PGM5: variants seen among roughly 807,000 people sequenced by gnomAD.
The protein encoded by PGM5 is phosphoglucomutase-like protein 5.
In PGM5, 23 loss-of-function variants were observed where a neutral mutation model predicts 59.2. The observed-to-expected ratio is 0.39, with a 90% CI of 0.28 to 0.55. The LOEUF is 0.55. Ranked by LOEUF, PGM5 falls within the 20% of genes least tolerant of loss-of-function variation. PGM5 has a pLI of 0.66. For missense variants in PGM5, 574 were observed against 748.3 expected, an observed-to-expected ratio of 0.77 and a Z score of 2.72; for synonymous variants, 214 against 286.0, an observed-to-expected ratio of 0.75 and a Z score of 2.54.
At chr9:68,403,288 G>A (rs62551332) in intron 6 of PGM5, among the ~76,000 whole-genome samples, 16,964 of 152,148 alleles carry the variant, frequency 0.11, 1,239 homozygotes, top group Admixed American at 0.16. Flanking sequence ...ATCTCCAGAT[G>A]GGAACCATCT....
rs540371403 is a variant in PGM5 at position 68,504,003 on chromosome 9, C to A, written c.1614+4642C>A. On this transcript the variant is annotated intron_variant, in intron 10 of 10. Coordinates refer to ENST00000396396, the MANE Select transcript of PGM5 (RefSeq NM_021965.4). ...TTTGCATTTCTAACAAGCTCCCAGG[C>A]AATACTGTGCTGCTGGTCCAGGAGC... Among the ~76,000 whole-genome samples the A allele has an allele frequency of 2.6e-5, 4 of 152,326 alleles. No homozygotes were observed. The East Asian group carries it at 7.7e-4, about 29-fold the overall frequency.
At position 68,424,260 on chromosome 9, in the gene PGM5, A is replaced by G. The variant is rs151148019; in HGVS notation, c.1043+31787A>G. Reference sequence around the variant, plus strand: ...TCTGTTCCAGCTGCTGTCACAAAATAACACAGACAGTGTGGCTTATGAACA... The same window carrying G: ...TCTGTTCCAGCTGCTGTCACAAAATGACACAGACAGTGTGGCTTATGAACA... On this transcript the variant is annotated intron_variant, in intron 6 of 10. Transcript: ENST00000396396. 5.2e-4 allele frequency among the ~76,000 whole-genome samples: 79 copies of G among 152,340 alleles called. No individual in the cohort carries two copies. In the East Asian group the frequency reaches 0.013, roughly 25 times the overall value.
At position 68,438,286 on chromosome 9, in the gene PGM5, C is replaced by CAAAAAA. The variant is rs34047393; in HGVS notation, c.1044-26785_1044-26780dup. The stretch of plus-strand genomic sequence containing the variant: ...CCTGGGCGACAGAGGGAGACTCTGT[C>CAAAAAA]AAAAAAAAAAAAAAAAAAAAAAAAA... On this transcript the variant is annotated intron_variant, in intron 6 of 10. Transcript: ENST00000396396. Among the ~76,000 whole-genome samples, 30 of 34,828 alleles carry CAAAAAA rather than the reference C, an allele frequency of 8.6e-4. 2 individuals are homozygous for CAAAAAA. Among genetic ancestry groups the CAAAAAA allele is most frequent in the African/African-American group, 2.4e-3 (27 of 11,232 alleles). The allele number at this position is 34,828 out of a possible 152,430, so 22.8% of individuals were successfully genotyped here.
At chr9:68,408,312 A>G (rs1563997341) in intron 6 of PGM5, among the ~76,000 whole-genome samples, 1 of 152,274 alleles carries the variant, frequency 6.6e-6, no homozygotes, top group Non-Finnish European at 1.5e-5. Context: ...CATTGAGCCA[A>G]GGTGGGCTGA....
chr9:68,524,893 G>T (rs1383089593), intron 10 of PGM5, among the ~76,000 whole-genome samples: 1 of 152,182 alleles, frequency 6.6e-6, no homozygotes, highest in Non-Finnish European at 1.5e-5. Flanking sequence ...GGTCAATCCT[G>T]TGTCGCACTG....
chr9:68,521,467 T>G (rs1458933276), intron 10 of PGM5, among the ~76,000 whole-genome samples: 1 of 151,954 alleles, frequency 6.6e-6, no homozygotes, highest in Non-Finnish European at 1.5e-5. Context: ...GAGGCAAAGG[T>G]CCTTTTGTTT....
intron 5 of PGM5, among the ~76,000 whole-genome samples, chr9:68,392,075 G>C (rs1822378990): frequency 6.6e-6 from 1 of 152,100 alleles, no homozygotes. Context: ...GAAAGAGTTA[G>C]GTATTTGGGG....
intron 6 of PGM5, among the ~76,000 whole-genome samples, chr9:68,401,742 T>G (rs1822672053): frequency 6.6e-6 from 1 of 152,158 alleles, no homozygotes; most frequent in East Asian, 1.9e-4. Flanking sequence ...ATAACCTCTC[T>G]CTTTTATTCC....
intron 9 of PGM5, among the ~76,000 whole-genome samples, chr9:68,487,014 TAGA>T (rs1272679973): frequency 2.6e-5 from 4 of 152,228 alleles, no homozygotes; most frequent in Non-Finnish European, 5.9e-5. Context: ...TAAATTAAGA[TAGA>T]AGGAGATTTG....
intron 7 of PGM5, among the ~76,000 whole-genome samples, chr9:68,472,107 A>G (rs906769596): frequency 6.6e-6 from 1 of 152,142 alleles, no homozygotes; most frequent in Non-Finnish European, 1.5e-5. Context: ...GATGCCTCCT[A>G]AGTGATAGAC....
rs149535175 is a variant in PGM5 at position 68,527,377 on chromosome 9, T to A, written c.1615-2190T>A. Among the ~76,000 whole-genome samples the A allele has an allele frequency of 1.8e-4, 28 of 152,328 alleles. No homozygotes were observed. The Middle Eastern group carries it at 0.01, about 56-fold the overall frequency. ...CTAAAGTGATTGAGTTTAACTTCAC[T>A]CTCTTTTTCTGTCTGAGTTTAACTT... On this transcript the variant is annotated intron_variant, in intron 10 of 10. Transcript: ENST00000396396.
At chr9:68,366,394 T>C (rs1421966653) in intron 1 of PGM5, among the ~76,000 whole-genome samples, 1 of 152,020 alleles carries the variant, frequency 6.6e-6, no homozygotes, top group African/African-American at 2.4e-5. Context: ...ATGAAAAAGA[T>C]GTGAATGATA....
intron 2 of PGM5, among the ~76,000 whole-genome samples, chr9:68,381,828 A>C (rs1200042791): frequency 1.2e-4 from 18 of 151,844 alleles, no homozygotes; most frequent in Non-Finnish European, 2.4e-4. Flanking sequence ...CTTAGGAATA[A>C]ATTTAACCAA....
chr9:68,367,866 CA>C (rs1180890313), intron 1 of PGM5, among the ~76,000 whole-genome samples: 2 of 150,338 alleles, frequency 1.3e-5, no homozygotes, highest in Non-Finnish European at 3.0e-5. Flanking sequence ...TCAGAGAAAA[CA>C]CATGGCCCTA....
At chr9:68,517,978 T>C (rs924580518) in intron 10 of PGM5, among the ~76,000 whole-genome samples, 4 of 152,228 alleles carry the variant, frequency 2.6e-5, no homozygotes, top group African/African-American at 9.6e-5. Flanking sequence ...GTGCTTTTGA[T>C]GACTGGCACA....
At position 68,437,445 on chromosome 9, in the gene PGM5, CT is replaced by C. The variant is rs1428410020; in HGVS notation, c.1044-27645del. ...ACAGTCTACAAGTTGGTGAATATCT[CT>C]TTCAGATTGGTGTTGTGCTTTACAC... On this transcript the variant is annotated intron_variant, in intron 6 of 10. Transcript: ENST00000396396. This position sits in a 1 kb window ranked among gnomAD's most constrained non-coding sequence, Gnocchi z 4.1. 6.6e-6 allele frequency among the ~76,000 whole-genome samples: 1 copy of C among 152,182 alleles called. No individual in the cohort carries two copies. The highest frequency in any genetic ancestry group is 1.5e-5 in the Non-Finnish European group (1 of 68,036).
At chr9:68,520,839 A>AG (rs997272585) in intron 10 of PGM5, among the ~76,000 whole-genome samples, 6 of 152,216 alleles carry the variant, frequency 3.9e-5, no homozygotes, top group Non-Finnish European at 8.8e-5. Context: ...GAACTCAAAT[A>AG]GGCTTTGTCT....
intron 6 of PGM5, among the ~76,000 whole-genome samples, chr9:68,408,955 A>C (rs1395204586): frequency 1.3e-5 from 2 of 152,060 alleles, no homozygotes; most frequent in African/African-American, 4.8e-5. Flanking sequence ...TGGTACCAGT[A>C]CCATGCTGTT....
At chr9:68,436,743 C>G (rs1823447421) in intron 6 of PGM5, among the ~76,000 whole-genome samples, 1 of 152,156 alleles carries the variant, frequency 6.6e-6, no homozygotes, top group African/African-American at 2.4e-5. Flanking sequence ...ACCAGGAAAG[C>G]TGATTTTTAA....
Sources: gnomAD v4.1 joint callset for allele counts (sites outside exome capture counted in the v4.1 genomes callset) on GRCh38, gnomAD v4.1.1 for gene constraint, Gnocchi (gnomAD v3.1) non-coding constraint, MANE v1.5 for transcripts, NCBI Gene and HGNC (gene_info 2026-07-23, HGNC 2026-07-21) for gene names.